Variants in WDR7 observed in about 807,000 individuals in gnomAD.
The protein encoded by WDR7 is WD repeat-containing protein 7.
A neutral mutation model predicts 169.4 loss-of-function variants in WDR7; 46 were observed. That is an observed-to-expected ratio of 0.27 (90% CI 0.21 to 0.35). The LOEUF is 0.35. Ranked by LOEUF, WDR7 falls within the 10% of genes least tolerant of loss-of-function variation. The pLI is 1.00. For synonymous variants in WDR7, 612 were observed against 666.8 expected (o/e 0.92, Z 1.27); for missense variants, 1,534 against 1,859.3 (o/e 0.83, Z 3.22).
Position 56,867,328 on chromosome 18 carries a change from C to T in WDR7, c.3305-12616C>T, listed in dbSNP as rs772441754. On this transcript the variant is annotated intron_variant, in intron 20 of 27. Coordinates refer to ENST00000254442, the MANE Select transcript of WDR7 (RefSeq NM_015285.3). ...CTGGGATTACAGGCATGAGTCAGCACGCCCAGCATAAAATTTTTTTAAAAA... is the reference window on the plus strand; with the variant it reads ...CTGGGATTACAGGCATGAGTCAGCATGCCCAGCATAAAATTTTTTTAAAAA... 3.3e-5 allele frequency among the ~76,000 whole-genome samples: 5 copies of T among 152,136 alleles called. No individual in the cohort carries two copies. The South Asian group carries it at 6.2e-4, about 19-fold the overall frequency.
chr18:56,715,385 G>C (rs985436655), intron 12 of WDR7, among the ~76,000 whole-genome samples: 1 of 152,110 alleles, frequency 6.6e-6, no homozygotes, highest in African/African-American at 2.4e-5. Flanking sequence ...TCTACTTTTT[G>C]GAAAGGAATG....
At position 56,962,385 on chromosome 18, in the gene WDR7, C is replaced by T. The variant is rs774925803; in HGVS notation, c.4065-45C>T. The T allele has an allele frequency of 8.9e-6, 14 of 1,572,754 alleles. No homozygotes were observed. The South Asian group carries it at 1.3e-4, about 15-fold the overall frequency. Reference sequence around the variant, plus strand: ...CCACTTCCAAGTGCAGGTCATCTCACCTGGCTTCTTGTTTTTGTTTTTGTT... The same window carrying T: ...CCACTTCCAAGTGCAGGTCATCTCATCTGGCTTCTTGTTTTTGTTTTTGTT... On this transcript the variant is annotated intron_variant, in intron 25 of 27. Coordinates refer to ENST00000254442, the MANE Select transcript of WDR7 (RefSeq NM_015285.3).
chr18:56,744,263 AAAAAAAG>A lies in WDR7; in HGVS notation c.1990-12316_1990-12310del, dbSNP rs1257726328. 6.8e-3 allele frequency among the ~76,000 whole-genome samples: 1,014 copies of A among 149,934 alleles called. 8 individuals are homozygous for A. The highest frequency in any genetic ancestry group is 0.019 in the African/African-American group (794 of 40,728). ...CAAAAAAGAAAAAAAAAAAAAAAAA[AAAAAAAG>A]AAAGAGCACAGGCTGGGTGTCTGGA... On this transcript the variant is annotated intron_variant, in intron 14 of 27. Transcript: ENST00000254442.
intron 12 of WDR7, among the ~76,000 whole-genome samples, chr18:56,698,475 A>G (rs615658): frequency 0.15 from 23,286 of 150,854 alleles, 2,103 homozygotes; most frequent in African/African-American, 0.24. Context: ...GCATGGTGGC[A>G]GGCGCCTGTA....
chr18:56,774,261 C>G (rs914345422), intron 16 of WDR7, among the ~76,000 whole-genome samples: 3 of 151,862 alleles, frequency 2.0e-5, no homozygotes, highest in African/African-American at 7.3e-5. Context: ...TCAAATATTC[C>G]TGTTGAGAAG....
chr18:56,653,434 T>C (rs777772782), intron 1 of WDR7, among the ~76,000 whole-genome samples: 10 of 152,196 alleles, frequency 6.6e-5, no homozygotes, highest in Admixed American at 1.3e-4. Flanking sequence ...CTCGAACTCC[T>C]GACCTCAGGT....
intron 26 of WDR7, among the ~76,000 whole-genome samples, chr18:56,990,074 G>T (rs1005348820): frequency 1.3e-5 from 2 of 151,966 alleles, no homozygotes; most frequent in African/African-American, 4.8e-5. Context: ...TTTTTAAAAA[G>T]ATTAGGCCAT....
chr18:56,688,231 C>G (rs1025228967), intron 7 of WDR7, among the ~76,000 whole-genome samples: 5 of 152,082 alleles, frequency 3.3e-5, no homozygotes, highest in Non-Finnish European at 1.5e-5. Flanking sequence ...CTGGAATGGG[C>G]TGGTTTCCTG....
chr18:56,980,145 A>G (rs2047620695), intron 26 of WDR7, among the ~76,000 whole-genome samples: 1 of 152,166 alleles, frequency 6.6e-6, no homozygotes. Flanking sequence ...TTAGGTCATG[A>G]TGAGACATAG....
intron 12 of WDR7, among the ~76,000 whole-genome samples, chr18:56,710,006 G>T (rs2469465): frequency 0.92 from 130,861 of 142,276 alleles, 61,241 homozygotes; most frequent in East Asian, 1. Flanking sequence ...ATATATAGTT[G>T]TTTTTTTTTT....
At chr18:56,710,485 A>G (rs887817114) in intron 12 of WDR7, among the ~76,000 whole-genome samples, 3 of 152,196 alleles carry the variant, frequency 2.0e-5, no homozygotes, top group Non-Finnish European at 1.5e-5. Flanking sequence ...GTGTGAGCAT[A>G]CCATATTTAC....
At chr18:56,796,442 A>C (rs193278559) in intron 19 of WDR7, among the ~76,000 whole-genome samples, 24 of 152,322 alleles carry the variant, frequency 1.6e-4, no homozygotes, top group African/African-American at 5.8e-4. Flanking sequence ...TTTCTTTAAG[A>C]CTAGTGATTT....
chr18:56,934,766 C>A (rs1439907146), intron 22 of WDR7, among the ~76,000 whole-genome samples: 3 of 152,050 alleles, frequency 2.0e-5, no homozygotes, highest in African/African-American at 7.2e-5. Flanking sequence ...TAAACACAAT[C>A]CAGTTTACAT....
intron 14 of WDR7, among the ~76,000 whole-genome samples, chr18:56,755,542 A>G (rs1568176611): frequency 1.3e-5 from 2 of 152,232 alleles, no homozygotes; most frequent in Non-Finnish European, 2.9e-5. Context: ...TTTCCAGCTG[A>G]TGAATCAGGA....
intron 1 of WDR7, among the ~76,000 whole-genome samples, chr18:56,664,199 G>C (rs1397590699): frequency 6.6e-6 from 1 of 152,148 alleles, no homozygotes; most frequent in Non-Finnish European, 1.5e-5. Flanking sequence ...TGTCATTTTA[G>C]GATTGTTGAC....
At chr18:56,793,514 G>A (rs1291040658) in intron 19 of WDR7, among the ~76,000 whole-genome samples, 1 of 152,150 alleles carries the variant, frequency 6.6e-6, no homozygotes, top group Non-Finnish European at 1.5e-5. Context: ...TTTCTAGAAA[G>A]CACACTAGTT....
At chr18:56,806,844 C>CT (rs1392878981) in intron 19 of WDR7, among the ~76,000 whole-genome samples, 3 of 152,086 alleles carry the variant, frequency 2.0e-5, no homozygotes, top group African/African-American at 7.2e-5. Flanking sequence ...GCACTGTTTC[C>CT]TATACCATTG....
chr18:56,923,840 A>T, intron 21 of WDR7, 82 bp from the exon 22 acceptor site: 1 of 1,306,514 alleles, frequency 7.7e-7, no homozygotes, highest in South Asian at 1.8e-5. Context: ...AAAATGGATT[A>T]TATTTTGAAA....
chr18:56,654,864 C>T (rs2024733529), intron 1 of WDR7, among the ~76,000 whole-genome samples: 1 of 152,098 alleles, frequency 6.6e-6, no homozygotes, highest in Non-Finnish European at 1.5e-5. Context: ...AGTTTGTGAT[C>T]CAGTTTATTT....
Sources: gnomAD v4.1 joint callset for allele counts (sites outside exome capture counted in the v4.1 genomes callset) on GRCh38, gnomAD v4.1.1 for gene constraint, MANE v1.5 for transcripts, NCBI Gene and HGNC (gene_info 2026-07-23, HGNC 2026-07-21) for gene names.